Variants in MALT1 observed in about 807,000 individuals in gnomAD.
MALT1 encodes MALT1 paracaspase.
Under a neutral mutation model 85.5 loss-of-function variants are expected in MALT1, and 36 were observed. The observed-to-expected ratio is 0.42, with a 90% CI of 0.32 to 0.56. MALT1 has a LOEUF of 0.56. Among genes scored for constraint, MALT1 ranks in the 20% least tolerant of loss-of-function variants. The probability of loss-of-function intolerance (pLI) is 0.10; values close to 1 mark genes in which losing one functional copy is unlikely to be tolerated. For synonymous variants in MALT1, 359 were observed against 361.3 expected (o/e 0.99, Z 0.07); for missense variants, 716 against 981.6 (o/e 0.73, Z 3.62).
intron 1 of MALT1, among the ~76,000 whole-genome samples, chr18:58,676,077 C>T (rs751646335): frequency 1.3e-5 from 2 of 152,334 alleles, no homozygotes; most frequent in African/African-American, 4.8e-5. Context: ...ACTGCTGGCA[C>T]GCTGGGCCAA....
chr18:58,736,958 G>T (rs975744971), intron 13 of MALT1, among the ~76,000 whole-genome samples: 1 of 152,230 alleles, frequency 6.6e-6, no homozygotes, highest in African/African-American at 2.4e-5. Context: ...AAGAGCAAAA[G>T]TAGTTGTATG....
rs541801641 is a variant in MALT1, at chr18:58,727,094, A to G, written c.1222+3843A>G. Reference sequence around the variant, plus strand: ...TTATCCCTGTGCCTGGCACACTAAAAATGCTCAAAATATTGTACCTATTAT... The same window carrying G: ...TTATCCCTGTGCCTGGCACACTAAAGATGCTCAAAATATTGTACCTATTAT... On this transcript the variant is annotated intron_variant, in intron 10 of 16. Transcript: ENST00000649217. Among the ~76,000 whole-genome samples, 94 of 152,316 alleles carry G rather than the reference A, an allele frequency of 6.2e-4. 1 individual carries two copies. The highest frequency in any genetic ancestry group is 2.2e-3 in the African/African-American group (90 of 41,574).
At chr18:58,706,049 G>A (rs1256372312) in intron 4 of MALT1, among the ~76,000 whole-genome samples, 2 of 152,140 alleles carry the variant, frequency 1.3e-5, no homozygotes, top group South Asian at 2.1e-4. Flanking sequence ...GCAGTGGCAC[G>A]ATCTCGGCTC....
intron 4 of MALT1, among the ~76,000 whole-genome samples, chr18:58,707,132 C>T (rs1443302126): frequency 2.0e-5 from 3 of 151,852 alleles, no homozygotes; most frequent in Non-Finnish European, 4.4e-5. Context: ...GTAAGCCCAT[C>T]GAATGCACTG....
At chr18:58,696,567 T>A in intron 3 of MALT1, 80 bp downstream of exon 3, 1 of 1,192,220 alleles carries the variant, frequency 8.4e-7, no homozygotes, top group Non-Finnish European at 1.1e-6. Flanking sequence ...GTCCTAAATG[T>A]AGTTTTAACA....
Position 58,671,557 on chromosome 18 carries a change from T to G in MALT1, c.-87T>G. The G allele has an allele frequency of 1.1e-6, 1 of 891,892 alleles. No individual in the cohort carries two copies. The highest frequency in any genetic ancestry group is 1.5e-6 in the Non-Finnish European group (1 of 685,456). 55.2% of individuals were successfully genotyped at this position (891,892 alleles called of 1,614,324 possible). On this transcript the variant is annotated 5_prime_UTR_variant, in exon 1 of 17. Coordinates refer to ENST00000649217, the MANE Select transcript of MALT1 (RefSeq NM_006785.4). ...GTTCTTCCGCCCCTGCCTCCGCGGC[T>G]CGGAGGCGAGCGGAAGGTGCCCCGG...
At chr18:58,680,650 A>G (rs557656413) in intron 1 of MALT1, among the ~76,000 whole-genome samples, 11 of 152,310 alleles carry the variant, frequency 7.2e-5, no homozygotes, top group African/African-American at 2.6e-4. Flanking sequence ...TGGGTTTCTC[A>G]TTCTCCTGAT....
In MALT1 at chr18:58,734,884, T is replaced by C. The variant is rs2055203388; in HGVS notation, c.1476-318T>C. On this transcript the variant is annotated intron_variant, in intron 12 of 16. Transcript: ENST00000649217. ...CTAACATTTTCTTTTTAAAAAATTA[T>C]TTTTATTGGATATTGACAAGTTATA... is the stretch of plus-strand genomic sequence containing the variant. Among the ~76,000 whole-genome samples, 3 of 152,370 alleles carry C rather than the reference T, an allele frequency of 2.0e-5. No individual in the cohort carries two copies. In the South Asian group the frequency reaches 6.2e-4, roughly 32 times the overall value.
At chr18:58,739,062 T>C (rs2055265285) in intron 13 of MALT1, among the ~76,000 whole-genome samples, 1 of 152,194 alleles carries the variant, frequency 6.6e-6, no homozygotes. Flanking sequence ...GATTAAATGG[T>C]TTTTCTGCAG....
At chr18:58,704,508 G>A (rs2054718004) in intron 4 of MALT1, among the ~76,000 whole-genome samples, 1 of 152,178 alleles carries the variant, frequency 6.6e-6, no homozygotes, top group South Asian at 2.1e-4. Context: ...CGAGGTTGGA[G>A]TGCAGTGGCA....
chr18:58,701,995 C>T (rs145895860), intron 4 of MALT1, among the ~76,000 whole-genome samples: 7 of 152,142 alleles, frequency 4.6e-5, no homozygotes, highest in Non-Finnish European at 1.0e-4. Flanking sequence ...AATATTCTTA[C>T]ATTTAAAGCA....
At chr18:58,703,939 T>G (rs1012334170) in intron 4 of MALT1, among the ~76,000 whole-genome samples, 18 of 152,212 alleles carry the variant, frequency 1.2e-4, no homozygotes, top group African/African-American at 4.3e-4. Context: ...AGTCTAGATA[T>G]TTTATATTCA....
chr18:58,732,729 G>C (rs1380359527), intron 10 of MALT1, among the ~76,000 whole-genome samples: 1 of 146,734 alleles, frequency 6.8e-6, no homozygotes, highest in Non-Finnish European at 1.5e-5. Context: ...CTTCATGGAG[G>C]AGACAAATGA....
chr18:58,716,861 T>C (rs2054907804), intron 9 of MALT1, among the ~76,000 whole-genome samples: 1 of 152,084 alleles, frequency 6.6e-6, no homozygotes, highest in Non-Finnish European at 1.5e-5. Context: ...GAGAGGACAA[T>C]TTATAGAGCA....
At chr18:58,698,041 TGTTGTTG>T (rs1481456927) in intron 3 of MALT1, among the ~76,000 whole-genome samples, 1 of 147,788 alleles carries the variant, frequency 6.8e-6, no homozygotes, top group Non-Finnish European at 1.5e-5. Context: ...TGGGGTTTTT[TGTTGTTG>T]TTGTTGTTGT....
chr18:58,677,708 T>G (rs2054261762), intron 1 of MALT1: 1 of 152,194 alleles, frequency 6.6e-6, no homozygotes, highest in East Asian at 1.9e-4. Context: ...TTTTTATCAT[T>G]TTACCTTGGA....
At position 58,709,526 on chromosome 18, in the gene MALT1, A is replaced by G. The variant is rs376106734; in HGVS notation, c.798A>G (p.Pro266=). 12 of 1,610,598 alleles carry G rather than the reference A, an allele frequency of 7.5e-6. No homozygotes were observed. The highest frequency in any genetic ancestry group is 1.1e-5 in the South Asian group (1 of 90,144). Residue 266 remains proline, a synonymous_variant, in exon 5 of 17, where the codon CCA becomes CCG. Transcript: ENST00000649217. The part of the protein sequence containing the change: ...PHYQWFKNEL[P]LTHETKKLYM... ...ACCAGTGGTTCAAAAATGAATTACC[A>G]TTAACACATGAGACCAAAAAGCTAT...
At chr18:58,687,879 C>T (rs143648321) in intron 2 of MALT1, among the ~76,000 whole-genome samples, 4 of 152,270 alleles carry the variant, frequency 2.6e-5, no homozygotes, top group East Asian at 3.9e-4. Flanking sequence ...GTTGAAAGCA[C>T]GATCCTTGGT....
chr18:58,699,998 C>T (rs933036815), intron 3 of MALT1, among the ~76,000 whole-genome samples: 1 of 152,240 alleles, frequency 6.6e-6, no homozygotes, highest in African/African-American at 2.4e-5. Context: ...GGTGAAATAA[C>T]TTGCCCACGT....
Sources: gnomAD v4.1 joint callset for allele counts (sites outside exome capture counted in the v4.1 genomes callset) on GRCh38, gnomAD v4.1.1 for gene constraint, MANE v1.5 for transcripts, NCBI Gene and HGNC (gene_info 2026-07-23, HGNC 2026-07-21) for gene names.